Variants in CHCHD6 observed in about 807,000 individuals in gnomAD.
CHCHD6 encodes the protein MICOS complex subunit MIC25.
A neutral mutation model predicts 32.3 loss-of-function variants in CHCHD6; 28 were observed. That is an observed-to-expected ratio of 0.87 (90% CI 0.64 to 1.19). The LOEUF (loss-of-function observed/expected upper bound fraction) is 1.19, where lower values mean the gene tolerates loss of function less well. CHCHD6 is among the 50% of genes most tolerant of loss of function. The pLI is 0.00. For missense variants in CHCHD6, 333 were observed against 307.0 expected (o/e 1.08, Z -0.63); for synonymous variants, 122 against 117.5 (o/e 1.04, Z -0.25).
intron 4 of CHCHD6, among the ~76,000 whole-genome samples, chr3:126,794,711 C>A (rs1271889210): frequency 6.6e-6 from 1 of 152,114 alleles, no homozygotes; most frequent in African/African-American, 2.4e-5. Flanking sequence ...CTCCTACTGT[C>A]TTCTGGTATC....
intron 4 of CHCHD6, among the ~76,000 whole-genome samples, chr3:126,839,516 A>T (rs142924633): frequency 6.6e-6 from 1 of 152,302 alleles, no homozygotes; most frequent in Non-Finnish European, 1.5e-5. Flanking sequence ...TTATCATTAC[A>T]ACATAGGTAG....
chr3:126,777,855 C>T (rs927832108), intron 4 of CHCHD6, among the ~76,000 whole-genome samples: 9 of 152,298 alleles, frequency 5.9e-5, no homozygotes, highest in African/African-American at 2.2e-4. Context: ...AGTTGTACAA[C>T]CATCACCACA....
At chr3:126,949,385 G>A (rs756677784) in intron 6 of CHCHD6, 16 of 230,076 alleles carry the variant, frequency 7.0e-5, no homozygotes, top group Non-Finnish European at 1.1e-4. Context: ...TGCCATGGAC[G>A]GAAAAAGGGA....
At chr3:126,752,953 G>T (rs1350675762) in intron 4 of CHCHD6, among the ~76,000 whole-genome samples, 2 of 152,104 alleles carry the variant, frequency 1.3e-5, no homozygotes, top group East Asian at 3.9e-4. Context: ...AAGTCACATT[G>T]TTTGTCATTG....
At chr3:126,920,567 T>G (rs2078232658) in intron 6 of CHCHD6, among the ~76,000 whole-genome samples, 1 of 152,254 alleles carries the variant, frequency 6.6e-6, no homozygotes, top group South Asian at 2.1e-4. Context: ...GTTAGCTTCT[T>G]AGCTTCTTGC....
At chr3:126,721,351 T>C (rs963397391) in intron 1 of CHCHD6, among the ~76,000 whole-genome samples, 8 of 152,188 alleles carry the variant, frequency 5.3e-5, no homozygotes, top group African/African-American at 1.9e-4. Context: ...TCTTCCCCGG[T>C]GCCCTGCCCT....
At chr3:126,912,479 GTATT>G (rs2078105347) in intron 5 of CHCHD6, among the ~76,000 whole-genome samples, 1 of 152,252 alleles carries the variant, frequency 6.6e-6, no homozygotes, top group East Asian at 1.9e-4. Context: ...AGGAGAACCT[GTATT>G]TATTTCGTGC....
At chr3:126,856,908 T>C (rs529305821) in intron 5 of CHCHD6, among the ~76,000 whole-genome samples, 2 of 152,300 alleles carry the variant, frequency 1.3e-5, no homozygotes, top group African/African-American at 4.8e-5. Context: ...TTCTCTAGCC[T>C]CAGTTTCCTT....
chr3:126,871,848 G>A (rs1416867071), intron 5 of CHCHD6, among the ~76,000 whole-genome samples: 4 of 151,782 alleles, frequency 2.6e-5, no homozygotes, highest in Non-Finnish European at 5.9e-5. Flanking sequence ...TGTATTTTTA[G>A]CAGAGACGGG....
chr3:126,731,305 G>A (rs1322479108), intron 3 of CHCHD6, among the ~76,000 whole-genome samples: 19 of 152,042 alleles, frequency 1.2e-4, no homozygotes, highest in Admixed American at 1.2e-3. Flanking sequence ...ACGACCCCAA[G>A]AGCTGGCCAC....
chr3:126,726,979 G>T, intron 1 of CHCHD6, 99 bp from the exon 2 acceptor site: 1 of 801,456 alleles, frequency 1.2e-6, no homozygotes. Flanking sequence ...TGAGGAAGCA[G>T]CGCATTCAGT....
intron 7 of CHCHD6, 176 bp downstream of exon 7, chr3:126,957,727 C>A: frequency 1.3e-6 from 1 of 757,672 alleles, no homozygotes; most frequent in Non-Finnish European, 2.2e-6. Flanking sequence ...CCTGCACACT[C>A]TCCTGGCTGC....
At position 126,883,634 on chromosome 3, in the gene CHCHD6, C is replaced by T. The variant is rs541424119; in HGVS notation, c.495+30904C>T. 4.6e-5 allele frequency among the ~76,000 whole-genome samples: 7 copies of T among 152,300 alleles called. No individual in the cohort carries two copies. In the South Asian group the frequency reaches 6.2e-4, roughly 14 times the overall value. ...AAGGCGTACTCCAAACCTTTCTGCC[C>T]GGATTACCAGCCACGGCCATCACTG... On this transcript the variant is annotated intron_variant, in intron 5 of 7. Coordinates refer to ENST00000290913, the MANE Select transcript of CHCHD6 (RefSeq NM_032343.3).
At position 126,842,424 on chromosome 3, in the gene CHCHD6, T is replaced by C. The variant is rs190141172; in HGVS notation, c.412-10223T>C. ...AATACATGTTCTTAGATTAGTTCAG[T>C]TTGGTGATCCACCAATGATTTTTAC... is the stretch of plus-strand genomic sequence containing the variant. On this transcript the variant is annotated intron_variant, in intron 4 of 7. Coordinates refer to ENST00000290913, the MANE Select transcript of CHCHD6 (RefSeq NM_032343.3). Among the ~76,000 whole-genome samples, 13 of 152,280 alleles carry C rather than the reference T, an allele frequency of 8.5e-5. No homozygotes were observed. In the East Asian group the frequency reaches 2.5e-3, roughly 29 times the overall value.
chr3:126,728,293 G>A (rs1377912232), intron 2 of CHCHD6, among the ~76,000 whole-genome samples: 1 of 152,178 alleles, frequency 6.6e-6, no homozygotes, highest in African/African-American at 2.4e-5. Context: ...ATGTTGTGAT[G>A]CAACACTGGA....
At chr3:126,815,195 C>A (rs1939827316) in intron 4 of CHCHD6, among the ~76,000 whole-genome samples, 1 of 152,132 alleles carries the variant, frequency 6.6e-6, no homozygotes, top group Non-Finnish European at 1.5e-5. Context: ...ATATCCTAAG[C>A]CCTTTTATTC....
chr3:126,901,655 A>T (rs1389098945), intron 5 of CHCHD6, among the ~76,000 whole-genome samples: 4 of 152,274 alleles, frequency 2.6e-5, no homozygotes, highest in African/African-American at 9.6e-5. Flanking sequence ...ACTACATCTT[A>T]GACTTATATT....
chr3:126,741,341 AT>A (rs5852490), intron 4 of CHCHD6, among the ~76,000 whole-genome samples: 2,808 of 148,164 alleles, frequency 0.019, 60 homozygotes, highest in African/African-American at 0.059. Context: ...CAAATCAGTG[AT>A]TTTTTTTTTT....
chr3:126,829,917 G>A (rs2107541082), intron 4 of CHCHD6, among the ~76,000 whole-genome samples: 1 of 152,240 alleles, frequency 6.6e-6, no homozygotes, highest in East Asian at 1.9e-4. Flanking sequence ...GGCCAACATG[G>A]TGAAACCCTG....
Sources: gnomAD v4.1 joint callset for allele counts (sites outside exome capture counted in the v4.1 genomes callset) on GRCh38, gnomAD v4.1.1 for gene constraint, MANE v1.5 for transcripts, NCBI Gene and HGNC (gene_info 2026-07-23, HGNC 2026-07-21) for gene names.